The following RAB33B variants were observed in gnomAD, a reference collection of about 807,000 sequenced individuals.
RAB33B encodes the protein RAB33B, member RAS oncogene family, also known as ras-related protein Rab-33B.
In RAB33B, 6 loss-of-function variants were observed where a neutral mutation model predicts 15.0. The ratio of observed to expected loss-of-function variants is 0.40; its 90% CI spans 0.22 to 0.79. The LOEUF is 0.79. Among genes scored for constraint, RAB33B ranks in the 30% least tolerant of loss-of-function variants. The pLI is 0.37. For missense variants in RAB33B, 257 were observed against 296.4 expected, an observed-to-expected ratio of 0.87 and a Z score of 0.98; for synonymous variants, 117 against 108.3, an observed-to-expected ratio of 1.08 and a Z score of -0.50.
At chr4:139,451,884 G>A (rs1749931733), upstream of RAB33B, 1 of 152,206 alleles carries the variant, frequency 6.6e-6, no homozygotes, top group South Asian at 2.1e-4. Context: ...GTGACTCCAA[G>A]GACAAAATGA....
the RAB33B span, among the ~76,000 whole-genome samples, chr4:139,447,760 G>A: frequency 3.5e-5 from 5 of 141,754 alleles, no homozygotes; most frequent in East Asian, 4.4e-4. Flanking sequence ...TCCGCCTCCC[G>A]GGTTCACGCC....
upstream of RAB33B, chr4:139,449,900 A>G (rs554734100): frequency 3.9e-5 from 6 of 152,268 alleles, no homozygotes; most frequent in African/African-American, 1.4e-4. Context: ...CTGCCATCCT[A>G]GCTTCCCATC....
chr4:139,462,053 CTTT>C (rs1171840158), intron 1 of RAB33B, among the ~76,000 whole-genome samples: 4 of 135,448 alleles, frequency 3.0e-5, no homozygotes, highest in Admixed American at 7.5e-5. Context: ...GATGACAGCT[CTTT>C]TTTTTTTTTT....
intron 1 of RAB33B, among the ~76,000 whole-genome samples, chr4:139,469,782 A>G (rs1240286504): frequency 1.3e-5 from 2 of 152,216 alleles, no homozygotes. Flanking sequence ...GACAAGATCC[A>G]GGAGAATTCT....
At chr4:139,469,188 A>G (rs1265897586) in intron 1 of RAB33B, among the ~76,000 whole-genome samples, 4 of 152,188 alleles carry the variant, frequency 2.6e-5, no homozygotes, top group African/African-American at 9.7e-5. Context: ...TAAAGCCAGC[A>G]GCTCTTAGAT....
chr4:139,440,556 A>T, the RAB33B span, among the ~76,000 whole-genome samples: 1 of 152,094 alleles, frequency 6.6e-6, no homozygotes, highest in Admixed American at 6.5e-5. Flanking sequence ...GCTGCGTGCC[A>T]TGAGATTCAG....
chr4:139,448,201 C>T, the RAB33B span, among the ~76,000 whole-genome samples: 3 of 152,048 alleles, frequency 2.0e-5, no homozygotes, highest in African/African-American at 7.2e-5. Context: ...TGGTCCAGAC[C>T]CTTCAGAAAT....
At position 139,473,767 on chromosome 4, in the gene RAB33B, T is replaced by A. The variant is rs1470498933; in HGVS notation, c.*641T>A. The A allele has an allele frequency of 1.3e-5, 2 of 152,170 alleles. No individual in the cohort carries two copies. Among genetic ancestry groups the A allele is most frequent in the Non-Finnish European group, 2.9e-5 (2 of 68,034 alleles). 9.4% of individuals were successfully genotyped at this position (152,170 alleles called of 1,614,324 possible). A position where few individuals can be genotyped will look rare whatever the true frequency, so the allele number is the denominator to read the frequency against. ...TTAGTTCCAGTGGGATAAGAAGGCATAGAATGTTTTCTGGTTCCCAGTCCA... is the reference window on the plus strand; with the variant it reads ...TTAGTTCCAGTGGGATAAGAAGGCAAAGAATGTTTTCTGGTTCCCAGTCCA... On this transcript the variant is annotated 3_prime_UTR_variant, in exon 2 of 2. Transcript: ENST00000305626.
chr4:139,440,426 C>T, the RAB33B span, among the ~76,000 whole-genome samples: 1 of 152,176 alleles, frequency 6.6e-6, no homozygotes, highest in Admixed American at 6.5e-5. Flanking sequence ...CTCTGCACCT[C>T]TGTGATCACG....
At chr4:139,450,006 G>A (rs1033838732), upstream of RAB33B, 3 of 152,064 alleles carry the variant, frequency 2.0e-5, no homozygotes, top group Non-Finnish European at 4.4e-5. Flanking sequence ...GCACCTCTAG[G>A]GTAAAATTTA....
intron 1 of RAB33B, among the ~76,000 whole-genome samples, chr4:139,463,884 A>T (rs1750221231): frequency 6.6e-6 from 1 of 152,186 alleles, no homozygotes; most frequent in African/African-American, 2.4e-5. Context: ...CCCATCATTT[A>T]GTTATTCCAT....
the RAB33B span, among the ~76,000 whole-genome samples, chr4:139,446,688 C>T: frequency 1.3e-5 from 2 of 152,064 alleles, no homozygotes; most frequent in African/African-American, 2.4e-5. Flanking sequence ...CCCTTCTGTG[C>T]ATACTCAGCC....
At chr4:139,455,653 G>C (rs570098768) in intron 1 of RAB33B, among the ~76,000 whole-genome samples, 1 of 152,104 alleles carries the variant, frequency 6.6e-6, no homozygotes. Flanking sequence ...GAGTTGCTTT[G>C]TATTAGGGAA....
the RAB33B span, among the ~76,000 whole-genome samples, chr4:139,446,919 T>A: frequency 6.6e-6 from 1 of 152,222 alleles, no homozygotes; most frequent in South Asian, 2.1e-4. Context: ...AGCTACCCGA[T>A]GGCATGTTGA....
chr4:139,454,315 C>T lies in RAB33B; in HGVS notation c.120C>T (p.Gly40=). The T allele has an allele frequency of 2.5e-6, 4 of 1,614,116 alleles. No homozygotes were observed. The highest frequency in any genetic ancestry group is 2.5e-6 in the Non-Finnish European group (3 of 1,180,014). ...GCATCTTCAAGATAATCGTGATCGG[C>T]GACTCCAATGTGGGCAAGACATGCC... ...RSRIFKIIVI[G]DSNVGKTCLT... is the part of the protein sequence containing the mutation. Residue 40 remains glycine, a synonymous_variant, in exon 1 of 2, where the codon GGC becomes GGT. Transcript: ENST00000305626.
chr4:139,443,012 A>C, the RAB33B span, among the ~76,000 whole-genome samples: 2 of 145,176 alleles, frequency 1.4e-5, no homozygotes, highest in African/African-American at 5.0e-5. Flanking sequence ...TTTTTTTTTG[A>C]GACGGAGTCT....
chr4:139,454,273 G>C lies in RAB33B; in HGVS notation c.78G>C (p.Leu26Phe). ...SGAVSGASGF[L>F]PPARSRIFKI... ...CAGTGTCAGGGGCCTCAGGGTTTTT[G>C]CCTCCTGCCCGCTCCCGCATCTTCA... Residue 26 changes from leucine to phenylalanine, a missense_variant, in exon 1 of 2, where the codon TTG becomes TTC. Physicochemically the swap from Leu to Phe is conservative, Grantham distance 22. Transcript: ENST00000305626. 2.5e-6 allele frequency: 4 copies of C among 1,614,128 alleles called. No individual in the cohort carries two copies. Among genetic ancestry groups the C allele is most frequent in the Non-Finnish European group, 2.5e-6 (3 of 1,180,012 alleles).
intron 1 of RAB33B, among the ~76,000 whole-genome samples, chr4:139,458,595 C>A (rs1016370949): frequency 2.6e-5 from 4 of 152,204 alleles, no homozygotes; most frequent in Admixed American, 2.6e-4. Context: ...TGATCTTGTT[C>A]TTTTTGTGGC....
chr4:139,454,203 A>T lies in RAB33B; in HGVS notation c.8A>T (p.Glu3Val), dbSNP rs1561001821. MA[E>V]EMESSLEASF... ...TTGGGGCGGGTCGGGGGAATGGCTG[A>T]GGAGATGGAGTCGTCGCTCGAGGCA... Residue 3 changes from glutamate to valine, a missense_variant, in exon 1 of 2, where the codon GAG becomes GTG. Glu to Val is a moderately radical substitution (Grantham distance 121). Coordinates refer to ENST00000305626, the MANE Select transcript of RAB33B (RefSeq NM_031296.3). 6.2e-7 allele frequency: 1 copy of T among 1,611,560 alleles called. No individual in the cohort carries two copies. Among genetic ancestry groups the T allele is most frequent in the Non-Finnish European group, 8.5e-7 (1 of 1,178,560 alleles).
Sources: allele counts gnomAD v4.1 joint callset (sites outside exome capture counted in the v4.1 genomes callset), GRCh38; gene constraint gnomAD v4.1.1; transcripts MANE v1.5; gene names NCBI Gene and HGNC (gene_info 2026-07-23, HGNC 2026-07-21).